The following BCAR3 variants were observed in gnomAD, a reference collection of about 807,000 sequenced individuals.
BCAR3 encodes the protein BCAR3 adaptor protein, NSP family member, also known as breast cancer anti-estrogen resistance protein 3.
BCAR3 carries 37 observed loss-of-function variants against 80.1 expected under a neutral mutation model. The observed-to-expected ratio is 0.46, with a 90% CI of 0.36 to 0.61. The LOEUF is 0.61. Ranked by LOEUF, BCAR3 falls within the 20% of genes least tolerant of loss-of-function variation. The pLI, the probability that BCAR3 is intolerant of heterozygous loss-of-function variation, is 0.00. For synonymous variants in BCAR3, 389 were observed against 418.9 expected (o/e 0.93, Z 0.87); for missense variants, 978 against 1,068.2 (o/e 0.92, Z 1.18).
chr1:93,637,103 AAAAC>A (rs1334049232), intron 3 of BCAR3, among the ~76,000 whole-genome samples: 1 of 152,072 alleles, frequency 6.6e-6, no homozygotes, highest in African/African-American at 2.4e-5. Flanking sequence ...CTCAAAAAAC[AAAAC>A]AAACAAAGCA....
chr1:93,845,248 T>C (rs534205841), intron 2 of BCAR3, among the ~76,000 whole-genome samples: 7 of 152,026 alleles, frequency 4.6e-5, no homozygotes, highest in African/African-American at 1.7e-4. Context: ...ATACAGAGCA[T>C]CTCTTCTCCC....
intron 2 of BCAR3, among the ~76,000 whole-genome samples, chr1:93,724,540 C>T (rs1485878811): frequency 6.6e-6 from 1 of 152,220 alleles, no homozygotes; most frequent in African/African-American, 2.4e-5. Context: ...AAGGATCACA[C>T]TGCAGAAAAT....
At chr1:93,827,794 A>G (rs1018171735) in intron 2 of BCAR3, among the ~76,000 whole-genome samples, 3 of 152,056 alleles carry the variant, frequency 2.0e-5, no homozygotes, top group African/African-American at 4.8e-5. Context: ...GGGGAGAGAG[A>G]GAGAAGTGAT....
rs115799583 is a variant in BCAR3 at position 93,712,608 on chromosome 1, C to T, written c.-62-6466G>A. Among the ~76,000 whole-genome samples the T allele has an allele frequency of 6.4e-3, 973 of 152,298 alleles. 14 individuals carry two copies. The highest frequency in any genetic ancestry group is 0.023 in the African/African-American group (945 of 41,558). ...GTCTTCTCACTAGGTTCTCTCCTTT[C>T]TTTTTTCTTACCCCTCCCTGCCTTA... On this transcript the variant is annotated intron_variant, in intron 2 of 13. Transcript: ENST00000370244.
At chr1:93,686,001 A>G (rs887991087), upstream of BCAR3, among the ~76,000 whole-genome samples, 4 of 152,072 alleles carry the variant, frequency 2.6e-5, no homozygotes, top group African/African-American at 9.7e-5. Context: ...TTTCCACATT[A>G]GGAAGTTTAG....
chr1:93,721,976 T>C (rs1439151921), intron 2 of BCAR3, among the ~76,000 whole-genome samples: 1 of 152,028 alleles, frequency 6.6e-6, no homozygotes. Context: ...TAATGACAAC[T>C]ATTATTATTA....
At chr1:93,838,428 G>T (rs867921164) in intron 2 of BCAR3, among the ~76,000 whole-genome samples, 2 of 152,180 alleles carry the variant, frequency 1.3e-5, no homozygotes, top group Non-Finnish European at 2.9e-5. Flanking sequence ...TATGAGAGTA[G>T]CACGAAGCCA....
At chr1:93,571,896 CTA>C in intron 8 of BCAR3, 55 bp from the exon 9 acceptor site, 1 of 1,555,944 alleles carries the variant, frequency 6.4e-7, no homozygotes. Context: ...TAGGAGAAAA[CTA>C]AACCAAATCA....
chr1:93,626,452 G>A (rs1675459259), intron 3 of BCAR3, among the ~76,000 whole-genome samples: 1 of 152,174 alleles, frequency 6.6e-6, no homozygotes, highest in African/African-American at 2.4e-5. Context: ...TGTTCCACAG[G>A]CTGATCTGCA....
intron 2 of BCAR3, among the ~76,000 whole-genome samples, chr1:93,835,406 C>T (rs151107820): frequency 6.2e-4 from 95 of 152,284 alleles, no homozygotes; most frequent in African/African-American, 2.3e-3. Context: ...CTGTCCCTCA[C>T]GGCCAGTTTT....
At chr1:93,571,427 G>A in intron 9 of BCAR3, 2 of 449,312 alleles carry the variant, frequency 4.5e-6, no homozygotes, top group Non-Finnish European at 8.2e-6. Context: ...AAGCCTGGGA[G>A]GTGGAGGTTG....
chr1:93,817,244 C>T (rs537648509), intron 2 of BCAR3, among the ~76,000 whole-genome samples: 1 of 152,360 alleles, frequency 6.6e-6, no homozygotes, highest in East Asian at 1.9e-4. Flanking sequence ...AAATGGGCCA[C>T]TGGGCATCAA....
At chr1:93,562,696 G>T (rs940314808) in intron 11 of BCAR3, among the ~76,000 whole-genome samples, 3 of 149,592 alleles carry the variant, frequency 2.0e-5, no homozygotes, top group Admixed American at 1.3e-4. Flanking sequence ...GCGTGAACCC[G>T]GGAGGTGGAG....
chr1:93,768,335 A>G (rs1652230470), intron 2 of BCAR3, among the ~76,000 whole-genome samples: 1 of 152,182 alleles, frequency 6.6e-6, no homozygotes, highest in African/African-American at 2.4e-5. Flanking sequence ...GAAGCAATCA[A>G]CAGTAGAATC....
intron 8 of BCAR3, among the ~76,000 whole-genome samples, chr1:93,575,422 A>C (rs1405787925): frequency 6.6e-6 from 1 of 152,160 alleles, no homozygotes; most frequent in African/African-American, 2.4e-5. Context: ...TCTAATTCCT[A>C]AACATTCCAT....
At chr1:93,570,373 A>G (rs923179663) in intron 9 of BCAR3, among the ~76,000 whole-genome samples, 5 of 152,172 alleles carry the variant, frequency 3.3e-5, no homozygotes, top group African/African-American at 1.2e-4. Flanking sequence ...GTTACTAGAA[A>G]GTTTTGCTGG....
intron 2 of BCAR3, among the ~76,000 whole-genome samples, chr1:93,673,346 G>C (rs1648310962): frequency 6.6e-6 from 1 of 152,162 alleles, no homozygotes; most frequent in African/African-American, 2.4e-5. Flanking sequence ...CAATAATTTG[G>C]CTGCTAGAAT....
intron 7 of BCAR3, among the ~76,000 whole-genome samples, chr1:93,580,859 C>T (rs893178541): frequency 6.6e-6 from 1 of 152,092 alleles, no homozygotes; most frequent in Non-Finnish European, 1.5e-5. Flanking sequence ...ATAAACGTTT[C>T]CTACAAAAAA....
At chr1:93,563,093 T>C (rs1672770402) in intron 11 of BCAR3, among the ~76,000 whole-genome samples, 1 of 152,226 alleles carries the variant, frequency 6.6e-6, no homozygotes, top group African/African-American at 2.4e-5. Flanking sequence ...TTACATGTCA[T>C]ATGATTCACC....
Sources: allele counts gnomAD v4.1 joint callset (sites outside exome capture counted in the v4.1 genomes callset), GRCh38; gene constraint gnomAD v4.1.1; transcripts MANE v1.5; gene names NCBI Gene and HGNC (gene_info 2026-07-23, HGNC 2026-07-21).